POC1B: variants seen among roughly 807,000 people sequenced by gnomAD.
POC1B encodes POC1 centriolar protein B, also known as POC1 centriolar protein homolog B.
In POC1B, 44 loss-of-function variants were observed where a neutral mutation model predicts 60.6. That is an observed-to-expected ratio of 0.73 (90% confidence interval 0.57 to 0.93). The LOEUF is 0.93. Ranked by LOEUF, POC1B falls within the 40% of genes least tolerant of loss-of-function variation. POC1B has a pLI of 0.00. For missense variants in POC1B, 555 were observed against 572.3 expected (o/e 0.97, Z 0.31); for synonymous variants, 180 against 198.9 (o/e 0.90, Z 0.80).
chr12:89,479,410 A>G (rs898013131), intron 4 of POC1B, among the ~76,000 whole-genome samples: 1 of 152,202 alleles, frequency 6.6e-6, no homozygotes, highest in East Asian at 1.9e-4. Context: ...GATGGCAAAA[A>G]AGTATTTATT....
At chr12:89,467,829 C>T in intron 7 of POC1B, 144 bp from the exon 8 acceptor site, 1 of 474,162 alleles carries the variant, frequency 2.1e-6, no homozygotes, top group Non-Finnish European at 3.7e-6. Flanking sequence ...TTGCTAGCAA[C>T]TAATGCTGGC....
At chr12:89,499,075 C>G (rs1384968873) in intron 2 of POC1B, among the ~76,000 whole-genome samples, 1 of 151,996 alleles carries the variant, frequency 6.6e-6, no homozygotes, top group African/African-American at 2.4e-5. Context: ...GCAAAAGCAC[C>G]TGGAAGAATG....
the POC1B span, among the ~76,000 whole-genome samples, chr12:89,411,303 T>C: frequency 3.3e-5 from 5 of 152,110 alleles, no homozygotes; most frequent in Non-Finnish European, 5.9e-5. Context: ...AAAAAACCCA[T>C]ATAGCCAAGA....
rs1210845775 is a variant in POC1B, at chr12:89,507,494, A to G, written c.101-10152T>C. On this transcript the variant is annotated intron_variant, in intron 2 of 11. Transcript: ENST00000313546. ...TATAAACATTACCACATAATTTAAA[A>G]TGTCAAAGCTTGTACCATTCATCTT... Among the ~76,000 whole-genome samples, 6 of 152,184 alleles carry G rather than the reference A, an allele frequency of 3.9e-5. No individual in the cohort carries two copies. The East Asian group carries it at 1.2e-3, about 29-fold the overall frequency.
chr12:89,504,332 T>C (rs1869788591), intron 2 of POC1B, among the ~76,000 whole-genome samples: 1 of 152,296 alleles, frequency 6.6e-6, no homozygotes, highest in Non-Finnish European at 1.5e-5. Context: ...CTGAAACATG[T>C]GCTGTGTCCA....
intron 2 of POC1B, chr12:89,522,738 T>C (rs1870989003): frequency 1.3e-6 from 2 of 1,497,844 alleles, no homozygotes; most frequent in Non-Finnish European, 1.8e-6. Flanking sequence ...TAAAATACAA[T>C]CTTCACTGAG....
chr12:89,470,618 A>G (rs1882853568), intron 6 of POC1B, 124 bp from the exon 7 acceptor site: 1 of 662,814 alleles, frequency 1.5e-6, no homozygotes, highest in African/African-American at 1.8e-5. Flanking sequence ...AAAACTCTAT[A>G]TGGCTCACTA....
At chr12:89,430,917 T>C (rs1881003067) in intron 10 of POC1B, among the ~76,000 whole-genome samples, 1 of 152,054 alleles carries the variant, frequency 6.6e-6, no homozygotes, top group Non-Finnish European at 1.5e-5. Flanking sequence ...AGAGAAATAT[T>C]ACCCCCCAAA....
the POC1B span, among the ~76,000 whole-genome samples, chr12:89,412,638 A>G: frequency 1.3e-5 from 2 of 151,360 alleles, no homozygotes; most frequent in African/African-American, 4.9e-5. Context: ...GATCGCACCA[A>G]TGCACTCCAG....
intron 3 of POC1B, among the ~76,000 whole-genome samples, chr12:89,492,630 T>C (rs1051056007): frequency 5.1e-4 from 77 of 152,206 alleles, no homozygotes; most frequent in African/African-American, 1.7e-3. Context: ...AATATATGTG[T>C]CTCAGATGTT....
chr12:89,430,731 C>T (rs1414622221), intron 10 of POC1B, among the ~76,000 whole-genome samples: 2 of 152,044 alleles, frequency 1.3e-5, no homozygotes, highest in Non-Finnish European at 2.9e-5. Flanking sequence ...ATCCGTATTC[C>T]CCATTAGATT....
chr12:89,525,538 C>T, intron 1 of POC1B: 2 of 1,302,402 alleles, frequency 1.5e-6, no homozygotes, highest in South Asian at 2.4e-5. Flanking sequence ...GAGGATGCGC[C>T]TCGGCTTTGG....
At chr12:89,465,426 T>C (rs1276290127) in intron 9 of POC1B, among the ~76,000 whole-genome samples, 1 of 151,910 alleles carries the variant, frequency 6.6e-6, no homozygotes, top group Non-Finnish European at 1.5e-5. Flanking sequence ...AATGGATATT[T>C]CCCTCCTGAT....
intron 1 of POC1B, 27 bp downstream of exon 1, chr12:89,525,853 AC>A (rs67346689): frequency 1.9e-4 from 268 of 1,407,348 alleles, no homozygotes; most frequent in Admixed American, 1.4e-3. Context: ...CCAGGGAGGG[AC>A]CCCCCCCACC....
At chr12:89,455,260 A>G (rs1255836593) in intron 10 of POC1B, among the ~76,000 whole-genome samples, 1 of 152,210 alleles carries the variant, frequency 6.6e-6, no homozygotes, top group South Asian at 2.1e-4. Flanking sequence ...ACTTGAACCC[A>G]GGAACTGGAG....
At chr12:89,476,747 TAGATAGATAGATAGACAGAC>T (rs1455624110) in intron 4 of POC1B, among the ~76,000 whole-genome samples, 5,131 of 128,800 alleles carry the variant, frequency 0.04, 130 homozygotes, top group Non-Finnish European at 0.054. Context: ...GATAGATAGA[TAGATAGATAGATAGACAGAC>T]AGACAGACAG....
intron 2 of POC1B, among the ~76,000 whole-genome samples, chr12:89,498,950 G>A (rs1420755532): frequency 6.6e-6 from 1 of 152,248 alleles, no homozygotes; most frequent in South Asian, 2.1e-4. Flanking sequence ...TGTTAGGTGG[G>A]GTGATTGGGT....
chr12:89,480,128 A>C lies in POC1B; in HGVS notation c.453-7853T>G, dbSNP rs545231300. On this transcript the variant is annotated intron_variant, in intron 4 of 11. Coordinates refer to ENST00000313546, the MANE Select transcript of POC1B (RefSeq NM_172240.3). ...ATTATGTTTTGAAAACTGGTTGGAC[A>C]AGTTTCTTCTTTCGTTTTTTTTTTT... 3.4e-5 allele frequency among the ~76,000 whole-genome samples: 5 copies of C among 148,776 alleles called. No homozygotes were observed. In the South Asian group the frequency reaches 1.1e-3, roughly 33 times the overall value.
chr12:89,429,585 A>G (rs1880938980), intron 10 of POC1B: 2 of 152,202 alleles, frequency 1.3e-5, no homozygotes, highest in African/African-American at 4.8e-5. Context: ...ATACTTACTG[A>G]GCATCTATCT....
Sources: allele counts gnomAD v4.1 joint callset (sites outside exome capture counted in the v4.1 genomes callset), GRCh38; gene constraint gnomAD v4.1.1; transcripts MANE v1.5; gene names NCBI Gene and HGNC (gene_info 2026-07-23, HGNC 2026-07-21).